Variants in LIN54 observed in about 807,000 individuals in gnomAD.
LIN54 encodes the protein protein lin-54 homolog.
A neutral mutation model predicts 78.7 loss-of-function variants in LIN54; 9 were observed. That is an observed-to-expected ratio of 0.11 (90% CI 0.07 to 0.20). The LOEUF (loss-of-function observed/expected upper bound fraction) is 0.20, where lower values mean the gene tolerates loss of function less well. LIN54 is among the 10% of genes least tolerant of loss of function. The pLI, the probability that LIN54 is intolerant of heterozygous loss-of-function variation, is 1.00. For missense variants in LIN54, 573 were observed against 889.9 expected, an observed-to-expected ratio of 0.64 and a Z score of 4.53; for synonymous variants, 269 against 318.4, an observed-to-expected ratio of 0.84 and a Z score of 1.65.
rs566758209 is a variant in LIN54 at position 83,000,326 on chromosome 4, T to C, written c.-33+10158A>G. Among the ~76,000 whole-genome samples, 118 of 152,318 alleles carry C rather than the reference T, an allele frequency of 7.7e-4. 1 individual carries two copies. Among genetic ancestry groups the C allele is most frequent in the Non-Finnish European group, 1.3e-3 (91 of 68,022 alleles). On this transcript the variant is annotated intron_variant, in intron 1 of 12. Transcript: ENST00000340417. ...AAGGGATAGGCCAACTCTATTGTTT[T>C]GTGCAAATGTAGTTGGGTTTATGAT...
intron 4 of LIN54, among the ~76,000 whole-genome samples, chr4:82,966,595 C>A (rs528417911): frequency 6.6e-6 from 1 of 151,986 alleles, no homozygotes; most frequent in South Asian, 2.1e-4. Flanking sequence ...CAAGGAGAAA[C>A]TGACATCTGA....
chr4:82,966,666 T>A (rs1020073761), intron 4 of LIN54, among the ~76,000 whole-genome samples: 1 of 152,134 alleles, frequency 6.6e-6, no homozygotes, highest in Admixed American at 6.5e-5. Flanking sequence ...TCAACCAGGC[T>A]GGAGTGCAGT....
At chr4:83,006,459 A>AG (rs1235771621) in intron 1 of LIN54, among the ~76,000 whole-genome samples, 1 of 151,510 alleles carries the variant, frequency 6.6e-6, no homozygotes, top group African/African-American at 2.4e-5. Context: ...AAAAAAAAAA[A>AG]AAAAGAAAAA....
At chr4:82,983,564 T>G (rs1726872684) in intron 2 of LIN54, among the ~76,000 whole-genome samples, 1 of 152,116 alleles carries the variant, frequency 6.6e-6, no homozygotes, top group Non-Finnish European at 1.5e-5. Context: ...TTTCCATAAC[T>G]GGTAGGATAA....
chr4:82,946,471 C>T lies in LIN54; in HGVS notation c.955G>A (p.Val319Met). ...ISPLKSPNKA[V>M]KSTVQTITVG... ...GTGATGGTCTGCACAGTTGATTTCACTGCCTATTAAACAATACAACATGGC... is the reference window on the plus strand; with the variant it reads ...GTGATGGTCTGCACAGTTGATTTCATTGCCTATTAAACAATACAACATGGC... Residue 319 changes from valine (V) to methionine (M), a missense_variant, in exon 5 of 13, where the codon GTG (valine) becomes ATG (methionine). Val to Met is a conservative substitution (Grantham distance 21). Coordinates refer to ENST00000340417, the MANE Select transcript of LIN54 (RefSeq NM_194282.4). The T allele has an allele frequency of 6.2e-7, 1 of 1,610,892 alleles. No homozygotes were observed. Among genetic ancestry groups the T allele is most frequent in the Non-Finnish European group, 8.5e-7 (1 of 1,177,034 alleles).
At chr4:82,944,758 C>T (rs1723220922) in intron 5 of LIN54, 1 of 152,106 alleles carries the variant, frequency 6.6e-6, no homozygotes, top group South Asian at 2.1e-4. Context: ...TCAAGTATAG[C>T]AGTAAGAAGA....
At chr4:82,935,924 T>C (rs964434901) in intron 11 of LIN54, 57 bp downstream of exon 11, 3 of 1,531,536 alleles carry the variant, frequency 2.0e-6, no homozygotes, top group African/African-American at 2.7e-5. Context: ...ATTTTTGTAG[T>C]AGGTCCTTTC....
Position 82,978,946 on chromosome 4 carries a change from T to C in LIN54, c.745A>G (p.Lys249Glu). The C allele has an allele frequency of 6.3e-7, 1 of 1,596,796 alleles. No individual in the cohort carries two copies. Among genetic ancestry groups the C allele is most frequent in the Non-Finnish European group, 8.6e-7 (1 of 1,167,430 alleles). The change falls in exon 3 of 13, where the codon AAA (lysine) becomes GAA (glutamate). Residue 249 changes from lysine (K) to glutamate (E), a missense_variant. By Grantham distance (56) the Lys-to-Glu change is moderately conservative (BLOSUM62 1). Transcript: ENST00000340417. ...GPVITKLIFA[K>E]PINSKAVTGQ... ...GTAACTGCTTTACTATTAATTGGTT[T>C]TGCAAAGATCAGCTTCGTGATTACT...
Position 83,010,645 on chromosome 4 carries a change from C to T in LIN54, c.-194G>A, listed in dbSNP as rs1729794029. Reference sequence around the variant, plus strand: ...GTCCAAACTGGAGCGCTCCAGGGTACCCGGGGACCGAGAAGGGAGCCGGGG... The same window carrying T: ...GTCCAAACTGGAGCGCTCCAGGGTATCCGGGGACCGAGAAGGGAGCCGGGG... On this transcript the variant is annotated 5_prime_UTR_variant, in exon 1 of 13. Coordinates refer to ENST00000340417, the MANE Select transcript of LIN54 (RefSeq NM_194282.4). 3 of 1,231,398 alleles carry T rather than the reference C, an allele frequency of 2.4e-6. No individual in the cohort carries two copies. The highest frequency in any genetic ancestry group is 2.0e-6 in the Non-Finnish European group (2 of 987,504). The allele number at this position is 1,231,398 out of a possible 1,614,324, so 76.3% of individuals were successfully genotyped here.
At chr4:83,005,689 G>A (rs1729297209) in intron 1 of LIN54, among the ~76,000 whole-genome samples, 1 of 151,736 alleles carries the variant, frequency 6.6e-6, no homozygotes, top group South Asian at 2.1e-4. Flanking sequence ...CGTATACACT[G>A]TTGGTGAAAA....
intron 1 of LIN54, among the ~76,000 whole-genome samples, chr4:82,993,885 G>A (rs966384583): frequency 1.3e-5 from 2 of 152,006 alleles, no homozygotes; most frequent in Non-Finnish European, 2.9e-5. Context: ...CAAAGTGCTG[G>A]GATTACAGGC....
At chr4:83,010,863 A>T, upstream of LIN54, 1 of 895,540 alleles carries the variant, frequency 1.1e-6, no homozygotes, top group Non-Finnish European at 1.3e-6. Flanking sequence ...CGCCCGCCCC[A>T]CCCGGGAGGC....
chr4:82,984,390 A>G lies in LIN54; in HGVS notation c.455T>C (p.Ile152Thr), dbSNP rs1726939043. Residue 152 changes from isoleucine (I) to threonine (T), a missense_variant, in exon 2 of 13, where the codon ATT becomes ACT. Physicochemically the swap from Ile to Thr is moderately conservative, Grantham distance 89. This residue lies in a region of LIN54 where 183 missense variants were observed against 228.4 expected (regional missense o/e 0.80). Coordinates refer to ENST00000340417, the MANE Select transcript of LIN54 (RefSeq NM_194282.4). ...TTGGCTATGGGGTAGTGCTAAAACA[A>G]TTGGTGAACCAGACTTGCCCAAAGT... ...LTTLGKSGSP[I>T]VLALPHSQLP... 2.5e-6 allele frequency: 4 copies of G among 1,614,176 alleles called. No homozygotes were observed. The highest frequency in any genetic ancestry group is 4.5e-5 in the East Asian group (2 of 44,888).
chr4:82,991,104 T>C (rs957175178), intron 1 of LIN54, among the ~76,000 whole-genome samples: 6 of 136,526 alleles, frequency 4.4e-5, no homozygotes, highest in Non-Finnish European at 9.1e-5. Flanking sequence ...AAGGCTGCAG[T>C]GCACCACTGT....
intron 3 of LIN54, among the ~76,000 whole-genome samples, chr4:82,971,905 T>C (rs1352117589): frequency 6.6e-6 from 1 of 152,152 alleles, no homozygotes; most frequent in East Asian, 1.9e-4. Flanking sequence ...ATTAAACTCA[T>C]AGATCCAGCT....
At chr4:82,990,762 C>T (rs977187330) in intron 1 of LIN54, among the ~76,000 whole-genome samples, 3 of 152,146 alleles carry the variant, frequency 2.0e-5, no homozygotes, top group African/African-American at 7.2e-5. Flanking sequence ...GGATTACAGG[C>T]GTGAGCCACC....
At chr4:82,947,233 A>ATTTTTTTTTTTTTT (rs1233101387) in intron 4 of LIN54, among the ~76,000 whole-genome samples, 8 of 16,852 alleles carry the variant, frequency 4.7e-4, no homozygotes, top group African/African-American at 1.2e-3. Context: ...ATATATATAT[A>ATTTTTTTTTTTTTT]TATTTTTTTT....
chr4:83,006,331 C>T (rs986925799), intron 1 of LIN54, among the ~76,000 whole-genome samples: 1 of 152,012 alleles, frequency 6.6e-6, no homozygotes, highest in African/African-American at 2.4e-5. Flanking sequence ...CGCCTGTAGT[C>T]CCAGCTACTC....
chr4:82,979,933 C>CT (rs1726485178), intron 2 of LIN54, among the ~76,000 whole-genome samples: 1 of 38,712 alleles, frequency 2.6e-5, no homozygotes, highest in Admixed American at 5.6e-4. Context: ...GAGTGAGACT[C>CT]TGTCTCAAAA....
Sources: gnomAD v4.1 joint callset for allele counts (sites outside exome capture counted in the v4.1 genomes callset) on GRCh38, gnomAD v4.1.1 for gene constraint, gnomAD v4.1.1 regional missense constraint, MANE v1.5 for transcripts, NCBI Gene and HGNC (gene_info 2026-07-23, HGNC 2026-07-21) for gene names.